Variants in MICAL3 observed in about 807,000 individuals in gnomAD.
MICAL3 encodes microtubule associated monooxygenase, calponin and LIM domain containing 3, also known as [F-actin]-monooxygenase MICAL3.
In MICAL3, 62 loss-of-function variants were observed where a neutral mutation model predicts 207.4. The ratio of observed to expected loss-of-function variants is 0.30; its 90% confidence interval spans 0.24 to 0.37. The LOEUF (loss-of-function observed/expected upper bound fraction) is 0.37. MICAL3 is among the 10% of genes least tolerant of loss of function. The pLI is 1.00. For missense variants in MICAL3, 2,368 were observed against 2,635.6 expected (o/e 0.90, Z 2.22); for synonymous variants, 1,077 against 1,069.3 (o/e 1.01, Z -0.14).
rs116554767 is a variant in MICAL3 at position 17,853,917 on chromosome 22, C to T, written c.2605+10982G>A. ...ATGCAGTCTTCGTACAGGGTCCCGA[C>T]GTGTGAGAAAGCACAGCCACTAGGA... On this transcript the variant is annotated intron_variant, in intron 19 of 31. Coordinates refer to ENST00000441493, the MANE Select transcript of MICAL3 (RefSeq NM_015241.3). Among the ~76,000 whole-genome samples, 958 of 152,330 alleles carry T rather than the reference C, an allele frequency of 6.3e-3. 7 individuals are homozygous for T. The highest frequency in any genetic ancestry group is 0.018 in the African/African-American group (763 of 41,572).
intron 19 of MICAL3, chr22:17,861,366 T>C (rs977095666): frequency 4.1e-6 from 4 of 985,352 alleles, no homozygotes; most frequent in African/African-American, 1.7e-5. Flanking sequence ...CAGATCATCT[T>C]TTCCATAAGA....
chr22:18,003,146 C>A (rs1322427526), intron 1 of MICAL3, among the ~76,000 whole-genome samples: 3 of 139,146 alleles, frequency 2.2e-5, no homozygotes, highest in African/African-American at 8.0e-5. Context: ...GGCAACAGAG[C>A]AAGACTCCAT....
rs886270235 is a variant in MICAL3 at position 17,932,614 on chromosome 22, T to G, written c.-74-25728A>C. On this transcript the variant is annotated intron_variant, in intron 1 of 31. Coordinates refer to ENST00000441493, the MANE Select transcript of MICAL3 (RefSeq NM_015241.3). The stretch of plus-strand genomic sequence containing the variant: ...CGAACATCATAATGACAGGATCGAA[T>G]TCACACATAACAATATTAACCTTAA... 2.2e-4 allele frequency among the ~76,000 whole-genome samples: 34 copies of G among 152,194 alleles called. 2 individuals are homozygous for G. The highest frequency in any genetic ancestry group is 1.5e-5 in the Non-Finnish European group (1 of 68,048).
intron 16 of MICAL3, among the ~76,000 whole-genome samples, chr22:17,877,500 G>A (rs1009469595): frequency 2.2e-3 from 280 of 126,168 alleles, no homozygotes; most frequent in South Asian, 3.2e-3. Flanking sequence ...GGTTAGGGAG[G>A]TTATGGAGGT....
chr22:17,983,261 T>A (rs906265600), intron 1 of MICAL3: 1 of 152,260 alleles, frequency 6.6e-6, no homozygotes, highest in Non-Finnish European at 1.5e-5. Flanking sequence ...CCCCTCCCCA[T>A]TTCCCTGGGA....
At chr22:17,835,980 G>C (rs967471208) in intron 20 of MICAL3, among the ~76,000 whole-genome samples, 1 of 152,208 alleles carries the variant, frequency 6.6e-6, no homozygotes, top group Non-Finnish European at 1.5e-5. Context: ...CTGTCCCCCG[G>C]TAAAGCCTCC....
intron 19 of MICAL3, chr22:17,842,322 G>A (rs971321327): frequency 2.1e-5 from 8 of 388,808 alleles, no homozygotes; most frequent in African/African-American, 1.6e-4. Context: ...TGGTGGTGAG[G>A]GGTGTGGGCC....
chr22:17,935,570 T>G (rs1017820730), intron 1 of MICAL3, among the ~76,000 whole-genome samples: 1 of 152,130 alleles, frequency 6.6e-6, no homozygotes, highest in African/African-American at 2.4e-5. Flanking sequence ...AAAGCCAAAA[T>G]AGACAAATGG....
At chr22:17,813,901 T>C (rs531870268) in intron 27 of MICAL3, 22 of 152,318 alleles carry the variant, frequency 1.4e-4, no homozygotes, top group Non-Finnish European at 3.1e-4. Flanking sequence ...TGGGAGCAAT[T>C]AGAAAAGAGG....
intron 1 of MICAL3, among the ~76,000 whole-genome samples, chr22:17,910,532 C>T (rs1325427906): frequency 2.0e-5 from 3 of 152,186 alleles, no homozygotes; most frequent in Non-Finnish European, 2.9e-5. Context: ...GAGATTTCGA[C>T]CTGCAGGGCA....
chr22:17,898,557 C>T (rs1299904525), intron 7 of MICAL3, among the ~76,000 whole-genome samples: 3 of 152,186 alleles, frequency 2.0e-5, no homozygotes, highest in African/African-American at 7.2e-5. Context: ...ATTCACATCA[C>T]CCTGCAAAGA....
Position 17,818,549 on chromosome 22 carries a change from G to A in MICAL3, c.4112C>T (p.Ser1371Phe), listed in dbSNP as rs1003583573. The stretch of plus-strand genomic sequence containing the variant: ...AAGGTGGAGTCCCTCATCCTGGGGG[G>A]ACTTTTCAACGGAATAGGATTTGAG... ...VSLKSYSVEK[S>F]PQDEGLHLLK... is the part of the protein sequence containing the mutation. The change falls in exon 26 of 32, where the codon TCC becomes TTC. Residue 1371 changes from serine to phenylalanine, a missense_variant. Coordinates refer to ENST00000441493, the MANE Select transcript of MICAL3 (RefSeq NM_015241.3). The A allele has an allele frequency of 3.7e-6, 6 of 1,613,482 alleles. No individual in the cohort carries two copies. The highest frequency in any genetic ancestry group is 3.3e-5 in the Admixed American group (2 of 60,008).
chr22:17,959,659 G>A (rs867200147), intron 1 of MICAL3, among the ~76,000 whole-genome samples: 64 of 152,330 alleles, frequency 4.2e-4, no homozygotes, highest in Admixed American at 8.5e-4. Flanking sequence ...CAGCACCAGT[G>A]GAGGTTTACA....
At chr22:17,992,261 G>A (rs1022946598) in intron 1 of MICAL3, among the ~76,000 whole-genome samples, 12 of 152,200 alleles carry the variant, frequency 7.9e-5, no homozygotes. Flanking sequence ...TCCTCAGGAA[G>A]GAGTTGCAAA....
At chr22:18,019,806 A>ATTTTTTTTTTTTTTTTT (rs34107345) in intron 1 of MICAL3, 1 of 77,778 alleles carries the variant, frequency 1.3e-5, no homozygotes, top group African/African-American at 6.0e-5. Context: ...AATGCTGCTG[A>ATTTTTTTTTTTTTTTTT]TTTTTTTTTT....
Position 17,832,046 on chromosome 22 carries a change from G to A in MICAL3, c.2863C>T (p.Pro955Ser). The A allele has an allele frequency of 6.2e-7, 1 of 1,602,846 alleles. No homozygotes were observed. The highest frequency in any genetic ancestry group is 1.1e-5 in the South Asian group (1 of 89,036). Reference protein sequence around the residue: ...EEEEEEPRLPPSDLGGVPWKE... With the variant: ...EEEEEEPRLPSSDLGGVPWKE... ...CACGGAACACCACCCAGGTCAGATG[G>A]GGGCAGGCGAGGCTCCTCCTCCTCC... The change falls in exon 21 of 32, where the codon CCA becomes TCA. Residue 955 changes from proline (P) to serine (S), a missense_variant. Pro to Ser is a moderately conservative substitution (Grantham distance 74). This residue lies in a region of MICAL3 where 1,770 missense variants were observed against 1,863.2 expected (regional missense o/e 0.95). Transcript: ENST00000441493.
At chr22:17,842,226 T>C in intron 19 of MICAL3, 1 of 596,756 alleles carries the variant, frequency 1.7e-6, no homozygotes, top group East Asian at 2.8e-5. Context: ...TGGCCCTGTC[T>C]GCCCTCCAGG....
intron 1 of MICAL3, among the ~76,000 whole-genome samples, chr22:17,950,029 T>C (rs1045587104): frequency 2.0e-5 from 3 of 152,170 alleles, no homozygotes; most frequent in Admixed American, 2.0e-4. Flanking sequence ...AAACAGCCTG[T>C]AGAGGACTAA....
At chr22:17,892,117 C>G (rs1275288845) in intron 11 of MICAL3, among the ~76,000 whole-genome samples, 1 of 152,244 alleles carries the variant, frequency 6.6e-6, no homozygotes, top group Admixed American at 6.5e-5. Context: ...CTCGCCCTTG[C>G]ACTTCCAAGG....
Sources: allele counts gnomAD v4.1 joint callset (sites outside exome capture counted in the v4.1 genomes callset), GRCh38; gene constraint gnomAD v4.1.1; regional missense constraint gnomAD v4.1.1; transcripts MANE v1.5; gene names NCBI Gene and HGNC (gene_info 2026-07-23, HGNC 2026-07-21).